Variants in PDE8A observed in about 807,000 individuals in gnomAD.
The protein encoded by PDE8A is high affinity cAMP-specific and IBMX-insensitive 3',5'-cyclic phosphodiesterase 8A.
In PDE8A, 59 loss-of-function variants were observed where a neutral mutation model predicts 105.0. That is an observed-to-expected ratio of 0.56 (90% confidence interval 0.46 to 0.70). The LOEUF is 0.70. Among genes scored for constraint, PDE8A ranks in the 30% least tolerant of loss-of-function variants. The pLI, the probability that PDE8A is intolerant of heterozygous loss-of-function variation, is 0.00. For synonymous variants in PDE8A, 355 were observed against 371.9 expected (o/e 0.95, Z 0.52); for missense variants, 1,014 against 1,045.9 (o/e 0.97, Z 0.42).
At chr15:85,031,723 G>A (rs1296545464) in intron 1 of PDE8A, among the ~76,000 whole-genome samples, 1 of 152,136 alleles carries the variant, frequency 6.6e-6, no homozygotes, top group Non-Finnish European at 1.5e-5. Flanking sequence ...TGAGGATTAA[G>A]ATGTTCTGTG....
chr15:85,035,599 C>T (rs1725052268), intron 1 of PDE8A, among the ~76,000 whole-genome samples: 1 of 152,026 alleles, frequency 6.6e-6, no homozygotes, highest in African/African-American at 2.4e-5. Context: ...ATTAGTTTCA[C>T]TCCTCTGAAA....
At position 85,110,812 on chromosome 15, in the gene PDE8A, G is replaced by A. The variant is rs1489769484; in HGVS notation, c.1114+1682G>A. ...AGTGGGATTGCTAGGCCTTAGAGCA[G>A]CTGCAAATGGTGCTCTCCAGTTTTA... On this transcript the variant is annotated intron_variant, in intron 12 of 21. Coordinates refer to ENST00000394553, the MANE Select transcript of PDE8A (RefSeq NM_002605.3). 3.3e-5 allele frequency among the ~76,000 whole-genome samples: 5 copies of A among 152,296 alleles called. No individual in the cohort carries two copies. In the East Asian group the frequency reaches 9.6e-4, roughly 29 times the overall value.
At position 85,034,568 on chromosome 15, in the gene PDE8A, T is replaced by G. The variant is rs117459642; in HGVS notation, c.187-29802T>G. Among the ~76,000 whole-genome samples the G allele has an allele frequency of 6.9e-3, 1,043 of 152,238 alleles. 7 individuals carry two copies. The highest frequency in any genetic ancestry group is 0.012 in the Non-Finnish European group (806 of 68,016). ...TTCCCTCATCGTTAATAGCTAAGGTTCAAAGGGTACCATGTAAAGCTGACA... is the reference window on the plus strand; with the variant it reads ...TTCCCTCATCGTTAATAGCTAAGGTGCAAAGGGTACCATGTAAAGCTGACA... On this transcript the variant is annotated intron_variant, in intron 1 of 21. Transcript: ENST00000394553.
chr15:85,079,734 G>A (rs1453020702), intron 5 of PDE8A, among the ~76,000 whole-genome samples: 2 of 152,158 alleles, frequency 1.3e-5, no homozygotes, highest in African/African-American at 4.8e-5. Context: ...CCAGCATGGC[G>A]AAACCCCGTC....
At chr15:85,042,281 A>T (rs539535394) in intron 1 of PDE8A, among the ~76,000 whole-genome samples, 29 of 152,048 alleles carry the variant, frequency 1.9e-4, no homozygotes, top group Non-Finnish European at 3.7e-4. Context: ...GGCTCAATTG[A>T]TCCTCTCACT....
chr15:85,065,966 G>A (rs2081218693), intron 2 of PDE8A, among the ~76,000 whole-genome samples: 1 of 152,198 alleles, frequency 6.6e-6, no homozygotes, highest in Non-Finnish European at 1.5e-5. Context: ...TCACTTAACT[G>A]ATAGGCTTTG....
intron 5 of PDE8A, among the ~76,000 whole-genome samples, chr15:85,077,262 C>T (rs765947874): frequency 1.9e-4 from 29 of 152,072 alleles, no homozygotes; most frequent in Non-Finnish European, 3.5e-4. Flanking sequence ...TAAGGCAGCC[C>T]AAACACAGCT....
intron 5 of PDE8A, among the ~76,000 whole-genome samples, chr15:85,078,327 C>T (rs574517366): frequency 6.6e-6 from 1 of 151,686 alleles, no homozygotes; most frequent in Non-Finnish European, 1.5e-5. Context: ...GTGGGCAGAT[C>T]ACGAGGTCAG....
chr15:85,100,733 C>T (rs1158295261), intron 11 of PDE8A, among the ~76,000 whole-genome samples: 4 of 152,226 alleles, frequency 2.6e-5, no homozygotes, highest in Non-Finnish European at 4.4e-5. Flanking sequence ...CAGCAAGCCA[C>T]TTCCTGTTCT....
At chr15:85,095,638 C>T (rs1165269379) in intron 8 of PDE8A, among the ~76,000 whole-genome samples, 1 of 152,056 alleles carries the variant, frequency 6.6e-6, no homozygotes, top group East Asian at 1.9e-4. Flanking sequence ...GCCACTGTGC[C>T]CAGCTGGAAC....
At chr15:85,117,870 G>A (rs2082121492) in intron 17 of PDE8A, 31 bp downstream of exon 17, 5 of 1,530,980 alleles carry the variant, frequency 3.3e-6, no homozygotes, top group Middle Eastern at 3.4e-4. Flanking sequence ...CACATTTAAT[G>A]GGCAGGAGCA....
At chr15:84,990,067 G>C (rs2142149697) in intron 1 of PDE8A, among the ~76,000 whole-genome samples, 1 of 152,174 alleles carries the variant, frequency 6.6e-6, no homozygotes, top group South Asian at 2.1e-4. Flanking sequence ...CGCAAAATTT[G>C]AACTTTGGGC....
chr15:84,994,130 G>A (rs1031814016), intron 1 of PDE8A, among the ~76,000 whole-genome samples: 2 of 152,046 alleles, frequency 1.3e-5, no homozygotes, highest in African/African-American at 2.4e-5. Context: ...TTTAAGTCAC[G>A]AATTCATTCC....
At chr15:85,028,460 C>G (rs1470156579) in intron 1 of PDE8A, among the ~76,000 whole-genome samples, 1 of 152,150 alleles carries the variant, frequency 6.6e-6, no homozygotes, top group African/African-American at 2.4e-5. Context: ...AGTGATCCTC[C>G]TTCCTCAGCC....
intron 8 of PDE8A, among the ~76,000 whole-genome samples, chr15:85,092,373 G>A (rs1414386592): frequency 2.6e-5 from 4 of 151,838 alleles, no homozygotes; most frequent in Non-Finnish European, 4.4e-5. Flanking sequence ...GGAGTGGAAG[G>A]TCCTCTAGAA....
intron 1 of PDE8A, among the ~76,000 whole-genome samples, chr15:85,008,782 C>T (rs539388008): frequency 1.3e-5 from 2 of 152,268 alleles, no homozygotes; most frequent in South Asian, 2.1e-4. Flanking sequence ...CCACCTTGCC[C>T]CTGTCTGCTG....
chr15:85,058,030 T>C (rs897746821), intron 1 of PDE8A, among the ~76,000 whole-genome samples: 3 of 152,208 alleles, frequency 2.0e-5, no homozygotes, highest in Non-Finnish European at 4.4e-5. Flanking sequence ...TGTCGTTGTT[T>C]TGTTTTTGAG....
intron 20 of PDE8A, among the ~76,000 whole-genome samples, chr15:85,129,716 C>G (rs1318816119): frequency 1.3e-5 from 2 of 151,884 alleles, no homozygotes; most frequent in Non-Finnish European, 2.9e-5. Context: ...TTATTATTTC[C>G]TTCCTTTTGC....
chr15:85,058,010 CTT>C lies in PDE8A; in HGVS notation c.187-6357_187-6356del, dbSNP rs1225610884. Reference sequence around the variant, plus strand: ...TTGGCCTGTAATTTTCTTTTAGTGTCTTTTGTTGTTGTCGTTGTTTTGTTTTT... The same window carrying C: ...TTGGCCTGTAATTTTCTTTTAGTGTCTTGTTGTTGTCGTTGTTTTGTTTTT... On this transcript the variant is annotated intron_variant, in intron 1 of 21. Coordinates refer to ENST00000394553, the MANE Select transcript of PDE8A (RefSeq NM_002605.3). Among the ~76,000 whole-genome samples the C allele has an allele frequency of 2.6e-5, 4 of 151,978 alleles. No homozygotes were observed. The East Asian group carries it at 7.7e-4, about 29-fold the overall frequency.
Sources: allele counts gnomAD v4.1 joint callset (sites outside exome capture counted in the v4.1 genomes callset), GRCh38; gene constraint gnomAD v4.1.1; transcripts MANE v1.5; gene names NCBI Gene and HGNC (gene_info 2026-07-23, HGNC 2026-07-21).